KIF13B: variants seen among roughly 807,000 people sequenced by gnomAD.
KIF13B encodes the protein kinesin-like protein KIF13B.
A neutral mutation model predicts 222.0 loss-of-function variants in KIF13B; 127 were observed. The observed-to-expected ratio is 0.57, with a 90% confidence interval of 0.50 to 0.66. KIF13B has a LOEUF of 0.66. Ranked by LOEUF, KIF13B falls within the 30% of genes least tolerant of loss-of-function variation. The pLI is 0.00. For missense variants in KIF13B, 2,173 were observed against 2,379.0 expected, an observed-to-expected ratio of 0.91 and a Z score of 1.80; for synonymous variants, 976 against 919.0, an observed-to-expected ratio of 1.06 and a Z score of -1.12.
chr8:29,214,471 C>T (rs535068186), intron 2 of KIF13B, among the ~76,000 whole-genome samples: 13 of 152,310 alleles, frequency 8.5e-5, no homozygotes, highest in Admixed American at 5.9e-4. Flanking sequence ...TCCACCTCCA[C>T]GTCTTGTCCC....
chr8:29,165,942 C>T (rs2130153383), intron 11 of KIF13B, among the ~76,000 whole-genome samples, 170 bp from the exon 12 acceptor site: 1 of 6,748 alleles, frequency 1.5e-4, no homozygotes, highest in South Asian at 4.2e-3. Flanking sequence ...GTCTGAGGAC[C>T]ACAAACTCAT....
chr8:29,076,532 GC>G (rs1563681061), intron 37 of KIF13B, among the ~76,000 whole-genome samples: 1 of 152,172 alleles, frequency 6.6e-6, no homozygotes, highest in African/African-American at 2.4e-5. Context: ...GAGCCACACC[GC>G]CCAGGCCTTC....
At chr8:29,123,571 T>G (rs1809973356) in intron 27 of KIF13B, 79 bp from the exon 28 acceptor site, 1 of 1,562,208 alleles carries the variant, frequency 6.4e-7, no homozygotes, top group Non-Finnish European at 8.7e-7. Flanking sequence ...AGACTGGATT[T>G]GCCTATATTT....
intron 22 of KIF13B, among the ~76,000 whole-genome samples, chr8:29,133,270 G>A (rs1055066007): frequency 6.6e-6 from 1 of 152,068 alleles, no homozygotes; most frequent in Non-Finnish European, 1.5e-5. Flanking sequence ...TTTTCAGCTG[G>A]GAAAAAACAA....
rs1196468385 is a variant in KIF13B, at chr8:29,126,485, G to A, written c.3249C>T (p.Tyr1083=). 1.3e-6 allele frequency: 2 copies of A among 1,538,454 alleles called. No homozygotes were observed. The change falls in exon 26 of 40, where the codon TAC becomes TAT. Residue 1083 remains tyrosine, a synonymous_variant. Transcript: ENST00000524189. ...AGATTAACAGGTGCTAAATTACCTG[G>A]TAGCTGTCCATGTCTTCCTCTTCCT... ...FHEEEEDMDS[Y]QDRDLERLRR...
Position 29,150,391 on chromosome 8 carries a change from G to A in KIF13B, c.1536-8C>T, listed in dbSNP as rs1811244639. 1.4e-6 allele frequency: 2 copies of A among 1,461,494 alleles called. No individual in the cohort carries two copies. Among genetic ancestry groups the A allele is most frequent in the South Asian group, 1.2e-5 (1 of 84,810 alleles). The allele number at this position is 1,461,494 out of a possible 1,614,324, so 90.5% of individuals were successfully genotyped here. On this transcript the variant is annotated splice_region_variant and splice_polypyrimidine_tract_variant and intron_variant, in intron 14 of 39. Coordinates refer to ENST00000524189, the MANE Select transcript of KIF13B (RefSeq NM_015254.4). ...GACCCATTTACAAATGTTCTGTAAG[G>A]AGAAGAGATCAAACGTGAATGATGA...
chr8:29,244,987 CA>C (rs1309057946), intron 2 of KIF13B, among the ~76,000 whole-genome samples: 1 of 152,230 alleles, frequency 6.6e-6, no homozygotes, highest in Non-Finnish European at 1.5e-5. Flanking sequence ...TGGGCTCTGA[CA>C]GCATTTGAAC....
At chr8:29,093,050 A>G (rs1808372857) in intron 36 of KIF13B, among the ~76,000 whole-genome samples, 172 bp from the exon 37 acceptor site, 1 of 152,224 alleles carries the variant, frequency 6.6e-6, no homozygotes, top group East Asian at 1.9e-4. Flanking sequence ...TCCCTCAAAC[A>G]TAGTAATGTC....
At chr8:29,226,200 A>G (rs1024586055) in intron 2 of KIF13B, among the ~76,000 whole-genome samples, 3 of 152,146 alleles carry the variant, frequency 2.0e-5, no homozygotes, top group South Asian at 4.1e-4. Context: ...CTGGCAGCAC[A>G]GTAAATTCTC....
At chr8:29,260,005 CTT>C (rs1232250270) in intron 1 of KIF13B, among the ~76,000 whole-genome samples, 2 of 152,104 alleles carry the variant, frequency 1.3e-5, no homozygotes, top group Non-Finnish European at 2.9e-5. Context: ...AGTATGTGAA[CTT>C]TTTTCTTTTT....
Position 29,072,329 on chromosome 8 carries a change from G to A in KIF13B, c.4522-13C>T. 24 of 1,390,354 alleles carry A rather than the reference G, an allele frequency of 1.7e-5. No individual in the cohort carries two copies. Among genetic ancestry groups the A allele is most frequent in the East Asian group, 2.8e-5 (1 of 35,726 alleles). The allele number at this position is 1,390,354 out of a possible 1,614,324, so 86.1% of individuals were successfully genotyped here. Reference sequence around the variant, plus strand: ...TCTCCGGCTGAGCCTGCAGCAGGACGGGGAAGCAGGGGCTGAGAACAGAAA... The same window carrying A: ...TCTCCGGCTGAGCCTGCAGCAGGACAGGGAAGCAGGGGCTGAGAACAGAAA... On this transcript the variant is annotated splice_polypyrimidine_tract_variant and intron_variant, in intron 38 of 39. Coordinates refer to ENST00000524189, the MANE Select transcript of KIF13B (RefSeq NM_015254.4).
At chr8:29,156,088 C>T (rs955284482) in intron 13 of KIF13B, among the ~76,000 whole-genome samples, 2 of 152,172 alleles carry the variant, frequency 1.3e-5, no homozygotes, top group African/African-American at 4.8e-5. Context: ...CCTGCCTCAG[C>T]CACCCGAGTA....
At chr8:29,098,706 G>A (rs1808654826) in intron 36 of KIF13B, among the ~76,000 whole-genome samples, 1 of 150,734 alleles carries the variant, frequency 6.6e-6, no homozygotes, top group Admixed American at 6.6e-5. Context: ...AAACATTTAA[G>A]GAAGAGGTAA....
At chr8:29,172,400 G>A (rs74522743) in intron 10 of KIF13B, among the ~76,000 whole-genome samples, 629 of 152,052 alleles carry the variant, frequency 4.1e-3, no homozygotes, top group East Asian at 0.026. Context: ...ACATTTTTAA[G>A]GAAAAAGATA....
In KIF13B at chr8:29,071,536, A is replaced by G. The variant is rs2133463944; in HGVS notation, c.5218+84T>C. The G allele has an allele frequency of 1.6e-6, 2 of 1,269,358 alleles. No individual in the cohort carries two copies. Among genetic ancestry groups the G allele is most frequent in the Non-Finnish European group, 2.2e-6 (2 of 906,588 alleles). The allele number at this position is 1,269,358 out of a possible 1,614,324, so 78.6% of individuals were successfully genotyped here. On this transcript the variant is annotated intron_variant, in intron 39 of 39. Transcript: ENST00000524189. The surrounding 1 kb of genome is among the most constrained non-coding windows in gnomAD (Gnocchi z 4.9). ...CCCGGCCCCTCCCTCTCCTGCCCGG[A>G]CCCTGTCCCCTCCCAGGCCGGCCAC...
rs1810117347 is a variant in KIF13B at position 29,126,528 on chromosome 8, A to G, written c.3223-17T>C. 4.3e-6 allele frequency: 6 copies of G among 1,392,594 alleles called. No individual in the cohort carries two copies. The highest frequency in any genetic ancestry group is 4.2e-5 in the African/African-American group (3 of 71,730). The allele number at this position is 1,392,594 out of a possible 1,614,324, so 86.3% of individuals were successfully genotyped here. On this transcript the variant is annotated splice_polypyrimidine_tract_variant and intron_variant, in intron 25 of 39. Coordinates refer to ENST00000524189, the MANE Select transcript of KIF13B (RefSeq NM_015254.4). ...CTCTTCCTCCTAAAAGAAAATATAC[A>G]TTACAAAGAACTGAATTATTGATTT...
chr8:29,127,288 G>T lies in KIF13B; in HGVS notation c.3076-20C>A, dbSNP rs1448488451. The T allele has an allele frequency of 6.2e-7, 1 of 1,608,166 alleles. No individual in the cohort carries two copies. Among genetic ancestry groups the T allele is most frequent in the Non-Finnish European group, 8.5e-7 (1 of 1,176,772 alleles). ...CTGCCCCTGGGTCACAGACAATTTA[G>T]AGTCTTAAAATCAGTGTCTTGATTT... On this transcript the variant is annotated intron_variant, in intron 24 of 39. Transcript: ENST00000524189.
chr8:29,089,330 T>C (rs917070392), intron 37 of KIF13B, among the ~76,000 whole-genome samples: 2 of 152,084 alleles, frequency 1.3e-5, no homozygotes, highest in Non-Finnish European at 2.9e-5. Flanking sequence ...TCCTAGCTCC[T>C]TGGGAGACTG....
At chr8:29,075,051 A>G (rs1243431578) in intron 38 of KIF13B, among the ~76,000 whole-genome samples, 1 of 152,270 alleles carries the variant, frequency 6.6e-6, no homozygotes, top group Non-Finnish European at 1.5e-5. Context: ...GCAGCAGACT[A>G]CATTAGCAGT....
Sources: gnomAD v4.1 joint callset for allele counts (sites outside exome capture counted in the v4.1 genomes callset) on GRCh38, gnomAD v4.1.1 for gene constraint, Gnocchi (gnomAD v3.1) non-coding constraint, MANE v1.5 for transcripts, NCBI Gene and HGNC (gene_info 2026-07-23, HGNC 2026-07-21) for gene names.